The following ARMH4 variants were observed in gnomAD, a reference collection of about 807,000 sequenced individuals.
The protein encoded by ARMH4 is armadillo-like helical domain-containing protein 4.
A neutral mutation model predicts 61.9 loss-of-function variants in ARMH4; 49 were observed. The ratio of observed to expected loss-of-function variants is 0.79; its 90% CI spans 0.63 to 1.00. The LOEUF (loss-of-function observed/expected upper bound fraction) is 1.00. ARMH4 is among the 50% of genes least tolerant of loss of function. The probability of loss-of-function intolerance (pLI) is 0.00; values close to 1 mark genes in which losing one functional copy is unlikely to be tolerated. For missense variants in ARMH4, 934 were observed against 930.0 expected (o/e 1.00, Z -0.06); for synonymous variants, 368 against 341.5 (o/e 1.08, Z -0.85).
At chr14:58,097,029 T>A in intron 4 of ARMH4, 48 bp from the exon 5 acceptor site, 1 of 1,569,046 alleles carries the variant, frequency 6.4e-7, no homozygotes, top group Non-Finnish European at 8.7e-7. Context: ...AATGAGTTTA[T>A]GCTGAAACAA....
chr14:58,147,673 T>G (rs1024819128), intron 1 of ARMH4, among the ~76,000 whole-genome samples: 2 of 152,184 alleles, frequency 1.3e-5, no homozygotes, highest in Admixed American at 6.5e-5. Context: ...ACTTAGGAGC[T>G]GCTATGTGCC....
intron 6 of ARMH4, among the ~76,000 whole-genome samples, chr14:58,007,750 C>A (rs1039900114): frequency 1.3e-5 from 2 of 152,152 alleles, no homozygotes; most frequent in African/African-American, 4.8e-5. Context: ...TTTTCTCTGT[C>A]CAAATTATTG....
intron 5 of ARMH4, among the ~76,000 whole-genome samples, chr14:58,076,664 AAG>A (rs1341695465): frequency 6.6e-6 from 1 of 152,198 alleles, no homozygotes; most frequent in Non-Finnish European, 1.5e-5. Flanking sequence ...TTTAAAAAGA[AAG>A]AAAATGAGAA....
At chr14:58,070,714 C>T (rs1004154067) in intron 5 of ARMH4, among the ~76,000 whole-genome samples, 5 of 152,160 alleles carry the variant, frequency 3.3e-5, no homozygotes, top group African/African-American at 1.2e-4. Context: ...GACAAACAGT[C>T]CAATTACACT....
chr14:58,141,816 C>T (rs192505871), intron 1 of ARMH4, among the ~76,000 whole-genome samples: 12 of 152,248 alleles, frequency 7.9e-5, no homozygotes, highest in Middle Eastern at 3.4e-3. Context: ...TTCTCTGCCA[C>T]AACTATAAAA....
intron 5 of ARMH4, among the ~76,000 whole-genome samples, chr14:58,090,340 G>A (rs1885515441): frequency 6.6e-6 from 1 of 151,984 alleles, no homozygotes; most frequent in African/African-American, 2.4e-5. Flanking sequence ...ATTGATCATG[G>A]GATTCTTAGA....
rs147981947 is a variant in ARMH4 at position 58,133,226 on chromosome 14, C to A, written c.1485G>T (p.Glu495Asp). ...CAGGAGAGGGGTCCTCCTTTTCTTC[C>A]TCAGTCTTGCCACTGTCTCTGATAA... ...LELIRDSGKTEEEKEDPSPVS... is the reference protein window; with the variant it reads ...LELIRDSGKTDEEKEDPSPVS... The change falls in exon 3 of 8, where the codon GAG becomes GAT. Residue 495 changes from glutamate (E) to aspartate (D), a missense_variant. Coordinates refer to ENST00000267485, the MANE Select transcript of ARMH4 (RefSeq NM_001001872.4). 6.9e-4 allele frequency: 1,106 copies of A among 1,614,136 alleles called. 4 individuals carry two copies. Among genetic ancestry groups the A allele is most frequent in the Middle Eastern group, 5.6e-3 (34 of 6,062 alleles).
At chr14:58,072,992 G>A (rs1884934235) in intron 5 of ARMH4, among the ~76,000 whole-genome samples, 1 of 152,190 alleles carries the variant, frequency 6.6e-6, no homozygotes, top group South Asian at 2.1e-4. Flanking sequence ...GCAACTTCTG[G>A]CTACAGCGCC....
chr14:58,146,832 T>A (rs571672539), intron 1 of ARMH4, among the ~76,000 whole-genome samples: 1 of 152,328 alleles, frequency 6.6e-6, no homozygotes, highest in African/African-American at 2.4e-5. Flanking sequence ...GAAACCAATA[T>A]GTTAAATCAT....
intron 1 of ARMH4, among the ~76,000 whole-genome samples, chr14:58,146,425 C>A (rs1887733114): frequency 6.6e-6 from 1 of 152,228 alleles, no homozygotes; most frequent in East Asian, 1.9e-4. Context: ...AACCAAATTA[C>A]CAACTGATGT....
intron 5 of ARMH4, among the ~76,000 whole-genome samples, chr14:58,072,541 A>G (rs1180742812): frequency 6.6e-6 from 1 of 152,046 alleles, no homozygotes; most frequent in Non-Finnish European, 1.5e-5. Context: ...CAACGTCGTG[A>G]AACCCCATCT....
At chr14:58,079,818 C>A (rs1215064756) in intron 5 of ARMH4, among the ~76,000 whole-genome samples, 1 of 152,110 alleles carries the variant, frequency 6.6e-6, no homozygotes, top group Non-Finnish European at 1.5e-5. Context: ...TAGAATTGAA[C>A]CTTGATCCTT....
intron 6 of ARMH4, among the ~76,000 whole-genome samples, chr14:58,011,638 G>C (rs1019032199): frequency 2.6e-5 from 4 of 152,012 alleles, no homozygotes; most frequent in African/African-American, 9.7e-5. Flanking sequence ...TCACTATGTA[G>C]ATGGCAGAAT....
Position 58,133,388 on chromosome 14 carries a change from T to TA in ARMH4, c.1370-48_1370-47insT, listed in dbSNP as rs550756105. 9.6e-3 allele frequency: 12,907 copies of TA among 1,344,354 alleles called. 14 individuals carry two copies. Among genetic ancestry groups the TA allele is most frequent in the South Asian group, 0.016 (1,096 of 70,694 alleles). The allele number at this position is 1,344,354 out of a possible 1,614,324, so 83.3% of individuals were successfully genotyped here. ...AAAAATAGACCAAATCCCTATTTTTTTAAAAAAAAAAAATCATGATATGAT... is the reference window on the plus strand; with the variant it reads ...AAAAATAGACCAAATCCCTATTTTTTATAAAAAAAAAAAATCATGATATGAT... On this transcript the variant is annotated intron_variant, in intron 2 of 7. Transcript: ENST00000267485.
At chr14:58,077,139 T>C (rs1025082719) in intron 5 of ARMH4, among the ~76,000 whole-genome samples, 1 of 152,124 alleles carries the variant, frequency 6.6e-6, no homozygotes, top group African/African-American at 2.4e-5. Flanking sequence ...TGCAGGACCA[T>C]GGGAGGCTGA....
At chr14:58,043,267 G>C (rs1021673861) in intron 5 of ARMH4, among the ~76,000 whole-genome samples, 21 of 152,016 alleles carry the variant, frequency 1.4e-4, no homozygotes, top group Admixed American at 2.0e-4. Flanking sequence ...TGATCAAGTG[G>C]GCTTCATCCC....
intron 5 of ARMH4, among the ~76,000 whole-genome samples, chr14:58,013,133 G>T (rs891719202): frequency 4.6e-5 from 7 of 152,164 alleles, no homozygotes; most frequent in Admixed American, 4.6e-4. Flanking sequence ...AGCTTCAACA[G>T]ACAGGAAGGA....
chr14:58,029,058 T>C (rs558238973), intron 5 of ARMH4, among the ~76,000 whole-genome samples: 22 of 152,102 alleles, frequency 1.4e-4, no homozygotes, highest in South Asian at 8.3e-4. Flanking sequence ...AATACACACA[T>C]ACACACAAAA....
intron 5 of ARMH4, among the ~76,000 whole-genome samples, chr14:58,042,038 G>A (rs1464858215): frequency 4.6e-5 from 7 of 151,754 alleles, no homozygotes; most frequent in Non-Finnish European, 8.8e-5. Context: ...ACAGACCAAC[G>A]AGACAGAAAG....
Sources: gnomAD v4.1 joint callset for allele counts (sites outside exome capture counted in the v4.1 genomes callset) on GRCh38, gnomAD v4.1.1 for gene constraint, MANE v1.5 for transcripts, NCBI Gene and HGNC (gene_info 2026-07-23, HGNC 2026-07-21) for gene names.